The following PRKAR2B variants were observed in gnomAD, a reference collection of about 807,000 sequenced individuals.
PRKAR2B encodes cAMP-dependent protein kinase type II-beta regulatory subunit.
Under a neutral mutation model 49.9 loss-of-function variants are expected in PRKAR2B, and 14 were observed. The observed-to-expected ratio is 0.28, with a 90% CI of 0.19 to 0.44. The LOEUF (loss-of-function observed/expected upper bound fraction) is 0.44. Among genes scored for constraint, PRKAR2B ranks in the 20% least tolerant of loss-of-function variants. The pLI is 1.00. For missense variants in PRKAR2B, 393 were observed against 537.9 expected, an observed-to-expected ratio of 0.73 and a Z score of 2.67; for synonymous variants, 196 against 197.7, an observed-to-expected ratio of 0.99 and a Z score of 0.07.
intron 6 of PRKAR2B, among the ~76,000 whole-genome samples, chr7:107,150,605 T>C (rs1290586164): frequency 1.3e-5 from 2 of 151,808 alleles, no homozygotes; most frequent in African/African-American, 2.4e-5. Flanking sequence ...AGTATACATA[T>C]TTAAAAATGC....
At position 107,116,909 on chromosome 7, in the gene PRKAR2B, A is replaced by G. The variant is rs1044063448; in HGVS notation, c.344-5043A>G. 6.0e-5 allele frequency among the ~76,000 whole-genome samples: 9 copies of G among 148,978 alleles called. No homozygotes were observed. The Middle Eastern group carries it at 0.011, about 180-fold the overall frequency. On this transcript the variant is annotated intron_variant, in intron 2 of 10. Transcript: ENST00000265717. ...CATATATATATATGTGTGTGTGTGTATATATATGTGTATATGTATGTGTGT... is the reference window on the plus strand; with the variant it reads ...CATATATATATATGTGTGTGTGTGTGTATATATGTGTATATGTATGTGTGT...
chr7:107,140,353 T>A (rs1296301347), intron 4 of PRKAR2B, among the ~76,000 whole-genome samples: 1 of 152,220 alleles, frequency 6.6e-6, no homozygotes, highest in Non-Finnish European at 1.5e-5. Flanking sequence ...GTTTTTCTTT[T>A]TTGTTCTGTT....
At chr7:107,110,899 A>G (rs1163697731) in intron 2 of PRKAR2B, among the ~76,000 whole-genome samples, 1 of 152,178 alleles carries the variant, frequency 6.6e-6, no homozygotes, top group Non-Finnish European at 1.5e-5. Context: ...AGGGAAAAGT[A>G]AAGGGGACTG....
intron 1 of PRKAR2B, among the ~76,000 whole-genome samples, chr7:107,048,102 G>T (rs1352374948): frequency 6.6e-6 from 1 of 152,176 alleles, no homozygotes. Flanking sequence ...TCAAGATTGG[G>T]ATACAGGTGG....
chr7:107,061,265 G>T (rs1794021792), intron 1 of PRKAR2B, among the ~76,000 whole-genome samples: 1 of 151,612 alleles, frequency 6.6e-6, no homozygotes, highest in Non-Finnish European at 1.5e-5. Context: ...CTTCAGTTTT[G>T]TAGAAAATCT....
At chr7:107,134,937 T>TA (rs756785081) in intron 4 of PRKAR2B, among the ~76,000 whole-genome samples, 2 of 152,104 alleles carry the variant, frequency 1.3e-5, no homozygotes, top group Non-Finnish European at 2.9e-5. Flanking sequence ...ATTGGACTCT[T>TA]AGACACCAAA....
intron 2 of PRKAR2B, among the ~76,000 whole-genome samples, chr7:107,072,599 A>T (rs1794300781): frequency 6.6e-6 from 1 of 152,196 alleles, no homozygotes; most frequent in Non-Finnish European, 1.5e-5. Context: ...AATGTTTTTG[A>T]CAAAGAATAT....
At chr7:107,055,072 T>C (rs1321443237) in intron 1 of PRKAR2B, among the ~76,000 whole-genome samples, 1 of 152,262 alleles carries the variant, frequency 6.6e-6, no homozygotes, top group East Asian at 1.9e-4. Context: ...GTTTGGTTTT[T>C]TGTCCTTGTG....
At chr7:107,141,021 C>T (rs1011791591) in intron 5 of PRKAR2B, 68 bp downstream of exon 5, 14 of 1,123,954 alleles carry the variant, frequency 1.2e-5, no homozygotes, top group African/African-American at 1.1e-4. Flanking sequence ...ACCATTATTA[C>T]GGCAACTGAC....
intron 1 of PRKAR2B, among the ~76,000 whole-genome samples, chr7:107,066,220 C>G (rs940675520): frequency 2.8e-4 from 43 of 151,402 alleles, no homozygotes; most frequent in Admixed American, 1.8e-3. Flanking sequence ...GTTCTTAAAT[C>G]ATATTGTTTG....
At chr7:107,084,721 C>T (rs1166291969) in intron 2 of PRKAR2B, among the ~76,000 whole-genome samples, 1 of 151,418 alleles carries the variant, frequency 6.6e-6, no homozygotes, top group East Asian at 1.9e-4. Context: ...CCCGGGTTCA[C>T]GCCATTCTCC....
At chr7:107,070,242 A>G in intron 1 of PRKAR2B, 39 bp from the exon 2 acceptor site, 1 of 1,529,480 alleles carries the variant, frequency 6.5e-7, no homozygotes, top group Non-Finnish European at 8.9e-7. Flanking sequence ...GGAAAATTAG[A>G]CTTTTAATCT....
At chr7:107,046,394 T>C (rs1354586280) in intron 1 of PRKAR2B, among the ~76,000 whole-genome samples, 1 of 152,252 alleles carries the variant, frequency 6.6e-6, no homozygotes, top group East Asian at 1.9e-4. Flanking sequence ...TCCTTGTGTA[T>C]GCTCCTAGGA....
intron 2 of PRKAR2B, among the ~76,000 whole-genome samples, chr7:107,076,909 A>G (rs924232694): frequency 6.6e-6 from 1 of 152,210 alleles, no homozygotes; most frequent in African/African-American, 2.4e-5. Flanking sequence ...GTGAAATAGC[A>G]GAAGTTCACA....
chr7:107,076,039 A>G (rs981852861), intron 2 of PRKAR2B, among the ~76,000 whole-genome samples: 23 of 152,150 alleles, frequency 1.5e-4, no homozygotes, highest in Non-Finnish European at 1.0e-4. Flanking sequence ...TACTGTTTTG[A>G]AAAAGTTACC....
At chr7:107,065,399 C>G (rs1363462781) in intron 1 of PRKAR2B, among the ~76,000 whole-genome samples, 1 of 149,000 alleles carries the variant, frequency 6.7e-6, no homozygotes, top group Non-Finnish European at 1.5e-5. Context: ...GATCACAGCT[C>G]AGGGCTCTTG....
chr7:107,119,235 G>A (rs1045563096), intron 2 of PRKAR2B, among the ~76,000 whole-genome samples: 51 of 152,148 alleles, frequency 3.4e-4, no homozygotes, highest in African/African-American at 9.9e-4. Context: ...TGTAAAACAA[G>A]TTAATCTTAA....
intron 2 of PRKAR2B, among the ~76,000 whole-genome samples, chr7:107,071,270 C>T (rs1562846492): frequency 6.6e-6 from 1 of 152,118 alleles, no homozygotes; most frequent in Non-Finnish European, 1.5e-5. Context: ...TACCTTATTT[C>T]CACCTGTGCT....
At chr7:107,136,868 T>A (rs1433847097) in intron 4 of PRKAR2B, among the ~76,000 whole-genome samples, 2 of 152,232 alleles carry the variant, frequency 1.3e-5, no homozygotes, top group Non-Finnish European at 2.9e-5. Flanking sequence ...CAGGTATTTG[T>A]AGCAGCTTTA....
Sources: gnomAD v4.1 joint callset for allele counts (sites outside exome capture counted in the v4.1 genomes callset) on GRCh38, gnomAD v4.1.1 for gene constraint, MANE v1.5 for transcripts, NCBI Gene and HGNC (gene_info 2026-07-23, HGNC 2026-07-21) for gene names.